C1GALT1: variants seen among roughly 807,000 people sequenced by gnomAD.
C1GALT1 encodes glycoprotein-N-acetylgalactosamine 3-beta-galactosyltransferase 1.
C1GALT1 carries 11 observed loss-of-function variants against 31.0 expected under a neutral mutation model. That is an observed-to-expected ratio of 0.36 (90% CI 0.22 to 0.59). C1GALT1 has a LOEUF of 0.59. C1GALT1 is among the 20% of genes least tolerant of loss of function. The pLI, the probability that C1GALT1 is intolerant of heterozygous loss-of-function variation, is 0.79. For missense variants in C1GALT1, 424 were observed against 425.2 expected (o/e 1.00, Z 0.03); for synonymous variants, 175 against 143.6 (o/e 1.22, Z -1.56).
intron 3 of C1GALT1, among the ~76,000 whole-genome samples, chr7:7,240,026 CCTT>C (rs983120670): frequency 6.6e-6 from 1 of 152,188 alleles, no homozygotes; most frequent in African/African-American, 2.4e-5. Flanking sequence ...GTTCTCTATG[CCTT>C]CTTTTCTGTG....
At chr7:7,203,240 G>A (rs1259091151) in intron 1 of C1GALT1, among the ~76,000 whole-genome samples, 1 of 151,878 alleles carries the variant, frequency 6.6e-6, no homozygotes, top group Non-Finnish European at 1.5e-5. Context: ...CCAGTACTAT[G>A]TTGAATAGAA....
chr7:7,225,750 C>T (rs555609879), intron 1 of C1GALT1, among the ~76,000 whole-genome samples: 9 of 152,258 alleles, frequency 5.9e-5, no homozygotes, highest in Non-Finnish European at 1.3e-4. Context: ...CCTCCCAGTC[C>T]ATTCTTAGAG....
intron 1 of C1GALT1, among the ~76,000 whole-genome samples, chr7:7,226,859 CTA>C (rs1562588318): frequency 6.6e-6 from 1 of 152,118 alleles, no homozygotes; most frequent in African/African-American, 2.4e-5. Flanking sequence ...ATAATGTAAA[CTA>C]TGTACATTTT....
chr7:7,212,917 C>T (rs1782071359), intron 1 of C1GALT1, among the ~76,000 whole-genome samples: 1 of 152,048 alleles, frequency 6.6e-6, no homozygotes, highest in Admixed American at 6.5e-5. Flanking sequence ...GCTCAGAGGA[C>T]CTTACAAAAC....
chr7:7,195,184 G>T (rs1217500987), intron 1 of C1GALT1, among the ~76,000 whole-genome samples: 1 of 151,988 alleles, frequency 6.6e-6, no homozygotes, highest in African/African-American at 2.4e-5. Flanking sequence ...ATTTAGTTCT[G>T]TTCTGATCTT....
At position 7,199,525 on chromosome 7, in the gene C1GALT1, A is replaced by G. The variant is rs998046169; in HGVS notation, c.-18+16705A>G. ...AGAATGTATATTCTGTTGATTTGGG[A>G]TGGAGAGTTCTGTAGATGTCTATTA... On this transcript the variant is annotated intron_variant, in intron 1 of 3. Transcript: ENST00000436587. Among the ~76,000 whole-genome samples, 10 of 152,182 alleles carry G rather than the reference A, an allele frequency of 6.6e-5. No individual in the cohort carries two copies. The East Asian group carries it at 1.4e-3, about 21-fold the overall frequency.
intron 1 of C1GALT1, among the ~76,000 whole-genome samples, chr7:7,194,101 A>T (rs1473951311): frequency 6.6e-6 from 1 of 152,038 alleles, no homozygotes; most frequent in African/African-American, 2.4e-5. Flanking sequence ...TTCTTGGTGT[A>T]TGATCATATC....
rs1780757030 is a variant in C1GALT1, at chr7:7,185,164, G to A, written c.-18+2344G>A. On this transcript the variant is annotated intron_variant, in intron 1 of 3. Transcript: ENST00000436587. ...CATAAGAAGGTGGGGGAAACTGAAA[G>A]GAAAGTCTAAATAAATTATCTAGCA... Among the ~76,000 whole-genome samples the A allele has an allele frequency of 1.3e-5, 2 of 152,134 alleles. 1 individual carries two copies. Among genetic ancestry groups the A allele is most frequent in the Non-Finnish European group, 2.9e-5 (2 of 68,028 alleles).
At chr7:7,218,058 A>G (rs1324085339) in intron 1 of C1GALT1, among the ~76,000 whole-genome samples, 1 of 152,228 alleles carries the variant, frequency 6.6e-6, no homozygotes, top group African/African-American at 2.4e-5. Context: ...GGAATAAGGA[A>G]AAATTTGATG....
intron 1 of C1GALT1, among the ~76,000 whole-genome samples, chr7:7,224,188 T>A (rs1782644597): frequency 6.6e-6 from 1 of 152,160 alleles, no homozygotes. Context: ...TAAGTATTAG[T>A]ACTTAACATG....
intron 1 of C1GALT1, among the ~76,000 whole-genome samples, chr7:7,217,186 A>G (rs925576968): frequency 3.9e-5 from 6 of 152,192 alleles, no homozygotes; most frequent in African/African-American, 1.4e-4. Flanking sequence ...GGTTCTTGGT[A>G]CTCATGCTGG....
rs568120634 is a variant in C1GALT1, at chr7:7,201,077, G to T, written c.-18+18257G>T. Among the ~76,000 whole-genome samples, 3 of 152,286 alleles carry T rather than the reference G, an allele frequency of 2.0e-5. No homozygotes were observed. The South Asian group carries it at 6.2e-4, about 32-fold the overall frequency. ...TGCGTTCCTTTGGAGGAGAAGAGGC[G>T]CTCTGATTTTTAGATTTTTCAGCTT... On this transcript the variant is annotated intron_variant, in intron 1 of 3. Coordinates refer to ENST00000436587, the MANE Select transcript of C1GALT1 (RefSeq NM_020156.5).
At chr7:7,233,735 C>T (rs1262999910) in intron 1 of C1GALT1, among the ~76,000 whole-genome samples, 2 of 152,316 alleles carry the variant, frequency 1.3e-5, no homozygotes, top group Non-Finnish European at 1.5e-5. Context: ...AAACAGGTAG[C>T]AGGCCAGGTT....
At chr7:7,203,748 ATGT>A (rs1441898570) in intron 1 of C1GALT1, among the ~76,000 whole-genome samples, 1 of 151,964 alleles carries the variant, frequency 6.6e-6, no homozygotes, top group African/African-American at 2.4e-5. Flanking sequence ...GTACATAGTG[ATGT>A]TACAGTACAT....
At chr7:7,182,293 C>G (rs7803534), upstream of C1GALT1, among the ~76,000 whole-genome samples, 4,006 of 152,308 alleles carry the variant, frequency 0.026, 155 homozygotes, top group African/African-American at 0.091. Context: ...TCGTCCCGCT[C>G]AAGGTCTTGA....
intron 2 of C1GALT1, among the ~76,000 whole-genome samples, chr7:7,164,053 C>G (rs918153019): frequency 6.6e-6 from 1 of 152,148 alleles, no homozygotes; most frequent in Non-Finnish European, 1.5e-5. Flanking sequence ...ATCATGCTAC[C>G]TGACTTCAAA....
chr7:7,161,046 G>A (rs1344810830), intron 2 of C1GALT1, among the ~76,000 whole-genome samples: 2 of 152,020 alleles, frequency 1.3e-5, no homozygotes, highest in Non-Finnish European at 2.9e-5. Context: ...GACTACTTGT[G>A]TAGTCATTAC....
chr7:7,199,928 G>C (rs1006248518), intron 1 of C1GALT1, among the ~76,000 whole-genome samples: 53 of 152,194 alleles, frequency 3.5e-4, no homozygotes, highest in African/African-American at 1.1e-3. Context: ...TTGAGCCTAT[G>C]TGTGTCTCTG....
chr7:7,232,176 C>T (rs1212647351), intron 1 of C1GALT1, among the ~76,000 whole-genome samples: 1 of 152,216 alleles, frequency 6.6e-6, no homozygotes, highest in Non-Finnish European at 1.5e-5. Context: ...CTAATTCTCA[C>T]TGCCTTGATA....
Sources: allele counts gnomAD v4.1 joint callset (sites outside exome capture counted in the v4.1 genomes callset), GRCh38; gene constraint gnomAD v4.1.1; transcripts MANE v1.5; gene names NCBI Gene and HGNC (gene_info 2026-07-23, HGNC 2026-07-21).